The following CAPN12 variants were observed in gnomAD, a reference collection of about 807,000 sequenced individuals.
CAPN12 encodes calpain 12, also known as calpain-12.
In CAPN12, 107 loss-of-function variants were observed where a neutral mutation model predicts 95.0. That is an observed-to-expected ratio of 1.13 (90% CI 0.96 to 1.32). The LOEUF (loss-of-function observed/expected upper bound fraction) is 1.32. Among genes scored for constraint, CAPN12 ranks in the 40% most tolerant of loss-of-function variants. The pLI is 0.00. For missense variants in CAPN12, 1,136 were observed against 997.8 expected (o/e 1.14, Z -1.87); for synonymous variants, 505 against 415.5 (o/e 1.22, Z -2.62).
At chr19:38,735,084 G>A in intron 14 of CAPN12, 1 of 607,254 alleles carries the variant, frequency 1.6e-6, no homozygotes, top group Non-Finnish European at 2.9e-6. Context: ...CCTGGGGCAG[G>A]GGGGTGGTCA....
In CAPN12 at chr19:38,744,467, A is replaced by T. The variant is rs541114083; in HGVS notation, c.-302T>A. 78 of 484,854 alleles carry T rather than the reference A, an allele frequency of 1.6e-4. No individual in the cohort carries two copies. The highest frequency in any genetic ancestry group is 1.3e-3 in the African/African-American group (69 of 51,410). The allele number at this position is 484,854 out of a possible 1,614,324, so 30.0% of individuals were successfully genotyped here. ...TGCCGCTGTCAGAGCACCAAGAAGG[A>T]GGTCAGTGTGGGGGTGAGCTTCTGC... On this transcript the variant is annotated 5_prime_UTR_variant, in exon 1 of 21. Coordinates refer to ENST00000328867, the MANE Select transcript of CAPN12 (RefSeq NM_144691.4).
chr19:38,736,001 G>GGT, intron 12 of CAPN12, 109 bp downstream of exon 12: 1 of 489,440 alleles, frequency 2.0e-6, no homozygotes, highest in East Asian at 4.0e-5. Context: ...TGGGGGCGGG[G>GGT]CAGGTCAGGT....
intron 6 of CAPN12, 22 bp from the exon 7 acceptor site, chr19:38,738,525 G>A (rs371582844): frequency 1.4e-5 from 22 of 1,613,566 alleles, no homozygotes; most frequent in Non-Finnish European, 1.8e-5. Context: ...TCGTCAGTGG[G>A]GGTGATGCCT....
rs1331824969 is a variant in CAPN12, at chr19:38,741,894, C to A, written c.443G>T (p.Arg148Leu). 1.2e-6 allele frequency: 2 copies of A among 1,613,902 alleles called. No homozygotes were observed. The highest frequency in any genetic ancestry group is 1.7e-6 in the Non-Finnish European group (2 of 1,180,010). The change falls in exon 4 of 21, where the codon CGC becomes CTC. Residue 148 changes from arginine to leucine, a missense_variant. Coordinates refer to ENST00000328867, the MANE Select transcript of CAPN12 (RefSeq NM_144691.4). ...GTCATCCACCACGACGTCCATCCAGCGGCCAAACTGCCAGAGCTGGTGGGA... is the reference window on the plus strand; with the variant it reads ...GTCATCCACCACGACGTCCATCCAGAGGCCAAACTGCCAGAGCTGGTGGGA... ...VFHFQLWQFG[R>L]WMDVVVDDRL...
chr19:38,744,000 C>A lies in CAPN12; in HGVS notation c.166G>T (p.Asp56Tyr), dbSNP rs1397240838. The part of the protein sequence containing the change: ...FRDPYFPAGP[D>Y]ALGYDQLGPD... The stretch of plus-strand genomic sequence containing the variant: ...CCCAGCTGGTCATAGCCAAGGGCAT[C>A]AGGGCCAGCAGGGAAGTAAGGGTCG... Residue 56 changes from aspartate (D) to tyrosine (Y), a missense_variant, in exon 1 of 21, where the codon GAT becomes TAT. Transcript: ENST00000328867. 1 of 1,614,270 alleles carries A rather than the reference C, an allele frequency of 6.2e-7. No individual in the cohort carries two copies. The highest frequency in any genetic ancestry group is 8.5e-7 in the Non-Finnish European group (1 of 1,180,054).
chr19:38,736,634 C>T, intron 10 of CAPN12, 71 bp from the exon 11 acceptor site: 2 of 1,362,982 alleles, frequency 1.5e-6, no homozygotes, highest in Admixed American at 4.5e-5. Flanking sequence ...TCCTCCCTGC[C>T]CCTTCTCACC....
Position 38,735,358 on chromosome 19 carries a change from C to T in CAPN12, c.1686+12G>A, listed in dbSNP as rs913236692. 6.4e-7 allele frequency: 1 copy of T among 1,573,804 alleles called. No individual in the cohort carries two copies. The highest frequency in any genetic ancestry group is 1.7e-4 in the Middle Eastern group (1 of 5,860). ...CAGCGGGATACCCCCTCAGTCCAAT[C>T]CCCCTCCTCACCTCTCCAGCCAGCT... On this transcript the variant is annotated intron_variant, in intron 14 of 20. Transcript: ENST00000328867.
At chr19:38,732,948 G>A (rs966749201) in intron 18 of CAPN12, among the ~76,000 whole-genome samples, 6 of 152,140 alleles carry the variant, frequency 3.9e-5, no homozygotes, top group Admixed American at 3.3e-4. Context: ...ATGTTGTGCT[G>A]GGCTTGTTCC....
chr19:38,736,923 A>G, intron 10 of CAPN12: 1 of 130,846 alleles, frequency 7.6e-6, no homozygotes, highest in South Asian at 2.5e-4. Context: ...CTAGCCCCCT[A>G]CTCCCCTCCC....
Position 38,730,676 on chromosome 19 carries a change from T to G in CAPN12, c.*176A>C, listed in dbSNP as rs968587703. 2 of 698,878 alleles carry G rather than the reference T, an allele frequency of 2.9e-6. No individual in the cohort carries two copies. Among genetic ancestry groups the G allele is most frequent in the African/African-American group, 3.5e-5 (2 of 56,424 alleles). The allele number at this position is 698,878 out of a possible 1,614,324, so 43.3% of individuals were successfully genotyped here. On this transcript the variant is annotated 3_prime_UTR_variant, in exon 21 of 21. Transcript: ENST00000328867. The stretch of plus-strand genomic sequence containing the variant: ...GAGAAGGGCTGTCGCTGTTCTTGTT[T>G]CTGAGTGAGGAGTACGCAGGCCAGA...
intron 5 of CAPN12, chr19:38,739,727 T>A (rs75525057): frequency 1.2e-3 from 205 of 173,212 alleles, no homozygotes; most frequent in African/African-American, 4.1e-3. Context: ...TTTTTTTTTT[T>A]AAATAAACCC....
intron 18 of CAPN12, among the ~76,000 whole-genome samples, chr19:38,731,798 A>G (rs529256955): frequency 6.6e-6 from 1 of 152,342 alleles, no homozygotes; most frequent in East Asian, 1.9e-4. Flanking sequence ...TGCTGCTTCC[A>G]AAGCCCATCT....
chr19:38,736,185 A>C lies in CAPN12; in HGVS notation c.1508T>G (p.Val503Gly). 3 of 1,512,806 alleles carry C rather than the reference A, an allele frequency of 2.0e-6. No individual in the cohort carries two copies. Among genetic ancestry groups the C allele is most frequent in the Non-Finnish European group, 1.8e-6 (2 of 1,134,936 alleles). 93.7% of individuals were successfully genotyped at this position (1,512,806 alleles called of 1,614,324 possible). The change falls in exon 12 of 21, where the codon GTG becomes GGG. Residue 503 changes from valine to glycine, a missense_variant. Transcript: ENST00000328867. ...CCLRPGHYLV[V>G]PSTAHAGDEA... ...GTCGCCGGCGTGGGCGGTGCTCGGC[A>C]CCACCAGGTAGTGGCCTGGACGCAG... is the stretch of plus-strand genomic sequence containing the variant.
rs746684042 is a variant in CAPN12, at chr19:38,740,226, G to A, written c.561-7C>T. 12 of 1,593,186 alleles carry A rather than the reference G, an allele frequency of 7.5e-6. No individual in the cohort carries two copies. Among genetic ancestry groups the A allele is most frequent in the Middle Eastern group, 1.7e-4 (1 of 5,982 alleles). On this transcript the variant is annotated splice_region_variant and splice_polypyrimidine_tract_variant and intron_variant, in intron 4 of 20. Coordinates refer to ENST00000328867, the MANE Select transcript of CAPN12 (RefSeq NM_144691.4). ...CTCATAGGAGCCGTGGAGCCTGTGG[G>A]GGCAGATCTGGGGTGAGGGTTGAGG...
At chr19:38,733,483 C>G (rs1489335469) in intron 18 of CAPN12, 3 of 526,868 alleles carry the variant, frequency 5.7e-6, no homozygotes, top group East Asian at 6.2e-5. Context: ...ATCCCCCTTT[C>G]ATGTCCTCCC....
At chr19:38,742,048 G>A (rs1456276889) in intron 3 of CAPN12, 138 bp from the exon 4 acceptor site, 26 of 1,286,710 alleles carry the variant, frequency 2.0e-5, no homozygotes, top group South Asian at 2.9e-5. Flanking sequence ...ATGGCTGGCC[G>A]GGTGCGGTGG....
intron 18 of CAPN12, 32 bp downstream of exon 18, chr19:38,733,671 T>TCCCCACGACCA: frequency 6.3e-7 from 1 of 1,586,184 alleles, no homozygotes; most frequent in Non-Finnish European, 8.7e-7. Flanking sequence ...ACAGGTCCTG[T>TCCCCACGACCA]CCCCACGACC....
rs1307746664 is a variant in CAPN12 at position 38,736,465 on chromosome 19, A to AG, written c.1374+86dup. 1.5e-3 allele frequency: 1,656 copies of AG among 1,090,044 alleles called. 21 individuals are homozygous for AG. The highest frequency in any genetic ancestry group is 0.011 in the South Asian group (704 of 66,894). The allele number at this position is 1,090,044 out of a possible 1,614,324, so 67.5% of individuals were successfully genotyped here. On this transcript the variant is annotated intron_variant, in intron 11 of 20. Transcript: ENST00000328867. ...GGCTCTGCCCCCCCACCCCCAGGGCAGTTTGACCAAGCCCCAGGGCAGGTT... is the reference window on the plus strand; with the variant it reads ...GGCTCTGCCCCCCCACCCCCAGGGCAGGTTTGACCAAGCCCCAGGGCAGGTT...
intron 16 of CAPN12, 44 bp from the exon 17 acceptor site, chr19:38,734,248 A>G: frequency 6.2e-7 from 1 of 1,610,716 alleles, no homozygotes; most frequent in Non-Finnish European, 8.5e-7. Context: ...CAATCTCTCC[A>G]GAAGGGGAGG....
Sources: allele counts gnomAD v4.1 joint callset (sites outside exome capture counted in the v4.1 genomes callset), GRCh38; gene constraint gnomAD v4.1.1; transcripts MANE v1.5; gene names NCBI Gene and HGNC (gene_info 2026-07-23, HGNC 2026-07-21).